Variants in UTP14A observed in about 807,000 individuals in gnomAD.
The protein encoded by UTP14A is U3 small nucleolar RNA-associated protein 14 homolog A.
Under a neutral mutation model 57.2 loss-of-function variants are expected in UTP14A, and 5 were observed. The ratio of observed to expected loss-of-function variants is 0.09; its 90% CI spans 0.05 to 0.18. The LOEUF is 0.18. Among genes scored for constraint, UTP14A ranks in the 10% least tolerant of loss-of-function variants. The probability of loss-of-function intolerance (pLI) is 1.00; values close to 1 mark genes in which losing one functional copy is unlikely to be tolerated. For missense variants in UTP14A, 430 were observed against 562.1 expected, an observed-to-expected ratio of 0.76 and a Z score of 2.38; for synonymous variants, 169 against 210.9, an observed-to-expected ratio of 0.80 and a Z score of 1.72.
intron 6 of UTP14A, among the ~76,000 whole-genome samples, chrX:129,917,295 A>G (rs1171143537): frequency 2.7e-5 from 3 of 112,631 alleles, no homozygotes; most frequent in African/African-American, 9.7e-5. Flanking sequence ...ATTCAGTAGA[A>G]TAGTTTTATG....
chrX:129,907,728 G>A (rs191448106), intron 2 of UTP14A, among the ~76,000 whole-genome samples: 167 of 111,696 alleles, frequency 1.5e-3, no homozygotes, highest in African/African-American at 4.3e-3. Context: ...AGGCCAAGGC[G>A]GGCAGATCAC....
intron 4 of UTP14A, 52 bp from the exon 5 acceptor site, chrX:129,910,956 T>C: frequency 8.4e-7 from 1 of 1,193,403 alleles, no homozygotes; most frequent in East Asian, 3.0e-5. Flanking sequence ...TACATTATAT[T>C]GAGATCTTGT....
At chrX:129,913,740 GGAGGCC>G (rs889458344) in intron 6 of UTP14A, among the ~76,000 whole-genome samples, 4 of 112,078 alleles carry the variant, frequency 3.6e-5, no homozygotes, top group Admixed American at 9.5e-5. Context: ...CAGCACTTTG[GGAGGCC>G]GAGGCAGGTG....
intron 11 of UTP14A, chrX:129,921,854 A>AT: frequency 3.1e-6 from 1 of 324,801 alleles, no homozygotes; most frequent in Middle Eastern, 8.8e-4. Flanking sequence ...TCAGAAACCC[A>AT]TAATAACTAA....
chrX:129,919,263 A>C lies in UTP14A; in HGVS notation c.626A>C (p.Lys209Thr), dbSNP rs775545086. 1 of 1,211,793 alleles carries C rather than the reference A, an allele frequency of 8.3e-7. No individual in the cohort carries two copies. The highest frequency in any genetic ancestry group is 1.8e-5 in the South Asian group (1 of 56,991). The change falls in exon 7 of 15, where the codon AAG becomes ACG. Residue 209 changes from lysine (K) to threonine (T), a missense_variant. This residue lies in a region of UTP14A where 145 missense variants were observed against 153.5 expected (regional missense o/e 0.94). Transcript: ENST00000394422. ...GACCCTTTACTGACCCCTGTGGAAAAGGCCTCTCTCCGAGCCATGAGCCTA... is the reference window on the plus strand; with the variant it reads ...GACCCTTTACTGACCCCTGTGGAAACGGCCTCTCTCCGAGCCATGAGCCTA... ...VTDPLLTPVEKASLRAMSLEE... is the reference protein window; with the variant it reads ...VTDPLLTPVETASLRAMSLEE...
intron 6 of UTP14A, among the ~76,000 whole-genome samples, chrX:129,918,633 T>C (rs1448107363): frequency 9.0e-6 from 1 of 111,077 alleles, no homozygotes; most frequent in African/African-American, 3.3e-5. Context: ...ATCCCAGCAC[T>C]TTGGGAGGCC....
At chrX:129,911,447 T>C (rs1008350004) in intron 5 of UTP14A, among the ~76,000 whole-genome samples, 1 of 110,681 alleles carries the variant, frequency 9.0e-6, no homozygotes, top group African/African-American at 3.3e-5. Context: ...CCGGGTGTGG[T>C]GTAATCCCAG....
At chrX:129,929,285 C>A (rs1205616564) in intron 14 of UTP14A, 51 bp from the exon 15 acceptor site, 3 of 1,182,830 alleles carry the variant, frequency 2.5e-6, no homozygotes, top group Admixed American at 4.6e-5. Flanking sequence ...TTACAGTATA[C>A]AACTGCACCC....
In UTP14A at chrX:129,917,089, G is replaced by T. The variant is rs1410787499; in HGVS notation, c.538-2086G>T. Among the ~76,000 whole-genome samples, 3 of 111,872 alleles carry T rather than the reference G, an allele frequency of 2.7e-5. No homozygotes were observed. The Admixed American group carries it at 2.9e-4, about 11-fold the overall frequency. On this transcript the variant is annotated intron_variant, in intron 6 of 14. Transcript: ENST00000394422. The stretch of plus-strand genomic sequence containing the variant: ...TGCTCTCAAAGGCTGTGAGCTCTAT[G>T]AGGACAGGAACTATCTTAATCAATT...
chrX:129,929,488 A>G lies in UTP14A; in HGVS notation c.2196A>G (p.Ile732Met). 2 of 1,211,692 alleles carry G rather than the reference A, an allele frequency of 1.7e-6. No homozygotes were observed. Among genetic ancestry groups the G allele is most frequent in the South Asian group, 3.5e-5 (2 of 56,983 alleles). The change falls in exon 15 of 15, where the codon ATA becomes ATG. Residue 732 changes from isoleucine (I) to methionine (M), a missense_variant. Around this residue, in one of 4 missense-constraint regions of UTP14A, gnomAD observed 82 missense variants for 151.4 expected, o/e 0.54. Coordinates refer to ENST00000394422, the MANE Select transcript of UTP14A (RefSeq NM_006649.4). ...AGCCAGGCCATATCATTAACCCCATAAAAGCAGAAGACGTGGGCTACCGGT... is the reference window on the plus strand; with the variant it reads ...AGCCAGGCCATATCATTAACCCCATGAAAGCAGAAGACGTGGGCTACCGGT... ...VTKPGHIINP[I>M]KAEDVGYRSS...
In UTP14A at chrX:129,911,500, G is replaced by A. The variant is rs149103112; in HGVS notation, c.382-266G>A. Among the ~76,000 whole-genome samples, 740 of 111,078 alleles carry A rather than the reference G, an allele frequency of 6.7e-3. 5 individuals carry two copies. Among genetic ancestry groups the A allele is most frequent in the African/African-American group, 0.023 (688 of 30,529 alleles). ...GCAGGAGAATCCCTTGAACCAGGACGTGGAGGTTGCAGTGAGCTGAGATTG... is the reference window on the plus strand; with the variant it reads ...GCAGGAGAATCCCTTGAACCAGGACATGGAGGTTGCAGTGAGCTGAGATTG... On this transcript the variant is annotated intron_variant, in intron 5 of 14. Coordinates refer to ENST00000394422, the MANE Select transcript of UTP14A (RefSeq NM_006649.4).
intron 13 of UTP14A, 35 bp from the exon 14 acceptor site, chrX:129,926,205 C>T (rs757783189): frequency 2.0e-5 from 24 of 1,204,707 alleles, no homozygotes; most frequent in Non-Finnish European, 2.7e-5. Context: ...GTCCTTAATG[C>T]TCCTAGTCAG....
At position 129,924,835 on chromosome X, in the gene UTP14A, A is replaced by G. The variant is rs777517032; in HGVS notation, c.1389A>G (p.Leu463=). The change falls in exon 12 of 15, where the codon CTA becomes CTG. Residue 463 remains leucine, a synonymous_variant. Coordinates refer to ENST00000394422, the MANE Select transcript of UTP14A (RefSeq NM_006649.4). ...SQEVLSELRV[L]SQKLKENHQS... is the part of the protein sequence containing the mutation. Reference sequence around the variant, plus strand: ...AGGTGCTGTCTGAATTGAGAGTACTATCTCAGAAATTGAAGGAAAACCATC... The same window carrying G: ...AGGTGCTGTCTGAATTGAGAGTACTGTCTCAGAAATTGAAGGAAAACCATC... 9.1e-6 allele frequency: 11 copies of G among 1,207,038 alleles called. No individual in the cohort carries two copies. Among genetic ancestry groups the G allele is most frequent in the South Asian group, 1.8e-5 (1 of 56,072 alleles).
intron 8 of UTP14A, 91 bp from the exon 9 acceptor site, chrX:129,920,366 C>G: frequency 7.7e-6 from 9 of 1,163,297 alleles, no homozygotes; most frequent in Non-Finnish European, 1.1e-5. Flanking sequence ...CAGCCCCCTG[C>G]CTAGGGAACC....
rs756787944 is a variant in UTP14A, at chrX:129,920,734, G to A, written c.936G>A (p.Met312Ile). ...AATGGGCCAAGTCAAAGGCAATTATGGCCAAATATGACCTGGAGGTAAGAG... is the reference window on the plus strand; with the variant it reads ...AATGGGCCAAGTCAAAGGCAATTATAGCCAAATATGACCTGGAGGTAAGAG... ...SGKWAKSKAI[M>I]AKYDLEARQA... is the part of the protein sequence containing the mutation. Residue 312 changes from methionine (M) to isoleucine (I), a missense_variant, in exon 10 of 15, where the codon ATG (methionine) becomes ATA (isoleucine). Met to Ile is a conservative substitution (Grantham distance 10, BLOSUM62 1). Transcript: ENST00000394422. The A allele has an allele frequency of 1.7e-6, 2 of 1,208,836 alleles. No individual in the cohort carries two copies. The highest frequency in any genetic ancestry group is 1.8e-5 in the African/African-American group (1 of 56,889).
chrX:129,912,112 CTT>C (rs369904550), intron 6 of UTP14A, among the ~76,000 whole-genome samples, 191 bp downstream of exon 6: 6 of 99,958 alleles, frequency 6.0e-5, no homozygotes, highest in African/African-American at 1.9e-4. Context: ...TCTGTGATCA[CTT>C]TTTTTTTTTT....
At chrX:129,918,814 T>G (rs184379156) in intron 6 of UTP14A, among the ~76,000 whole-genome samples, 1,795 of 109,477 alleles carry the variant, frequency 0.016, 14 homozygotes, top group Non-Finnish European at 0.024. Context: ...GAGGCGGAGC[T>G]TGCAGTGAGC....
chrX:129,911,707 T>C, intron 5 of UTP14A, 59 bp from the exon 6 acceptor site: 1 of 1,178,911 alleles, frequency 8.5e-7, no homozygotes, highest in Non-Finnish European at 1.1e-6. Context: ...TTGTTAGTCC[T>C]TTGGGTTTGA....
Position 129,919,305 on chromosome X carries a change from C to CA in UTP14A, c.657+12dup. 1 of 1,211,494 alleles carries CA rather than the reference C, an allele frequency of 8.3e-7. No individual in the cohort carries two copies. Among genetic ancestry groups the CA allele is most frequent in the Non-Finnish European group, 1.1e-6 (1 of 895,457 alleles). ...ATGAGCCTAGAAGAGGTAAGTGTGTCATAGGCCCTTCAGCACACCCAGGCA... is the reference window on the plus strand; with the variant it reads ...ATGAGCCTAGAAGAGGTAAGTGTGTCAATAGGCCCTTCAGCACACCCAGGCA... On this transcript the variant is annotated intron_variant, in intron 7 of 14. Coordinates refer to ENST00000394422, the MANE Select transcript of UTP14A (RefSeq NM_006649.4).
Sources: gnomAD v4.1 joint callset for allele counts (sites outside exome capture counted in the v4.1 genomes callset) on GRCh38, gnomAD v4.1.1 for gene constraint, gnomAD v4.1.1 regional missense constraint, MANE v1.5 for transcripts, NCBI Gene and HGNC (gene_info 2026-07-23, HGNC 2026-07-21) for gene names.